PCDH15: variants seen among roughly 807,000 people sequenced by gnomAD.
The protein encoded by PCDH15 is protocadherin-15.
Under a neutral mutation model 178.5 loss-of-function variants are expected in PCDH15, and 129 were observed. That is an observed-to-expected ratio of 0.72 (90% confidence interval 0.63 to 0.84). The LOEUF (loss-of-function observed/expected upper bound fraction) is 0.84, where lower values mean the gene tolerates loss of function less well. Ranked by LOEUF, PCDH15 falls within the 40% of genes least tolerant of loss-of-function variation. The pLI, the probability that PCDH15 is intolerant of heterozygous loss-of-function variation, is 0.00. For synonymous variants in PCDH15, 800 were observed against 732.0 expected (o/e 1.09, Z -1.50); for missense variants, 2,230 against 2,099.9 (o/e 1.06, Z -1.21).
At chr10:54,096,959 T>C (rs1038380240) in intron 15 of PCDH15, among the ~76,000 whole-genome samples, 3 of 152,228 alleles carry the variant, frequency 2.0e-5, no homozygotes, top group Non-Finnish European at 4.4e-5. Context: ...TTAATACCTA[T>C]TCTTAACTTC....
chr10:54,395,571 G>A (rs1012575599), intron 3 of PCDH15, among the ~76,000 whole-genome samples: 1 of 151,490 alleles, frequency 6.6e-6, no homozygotes, highest in Non-Finnish European at 1.5e-5. Context: ...CGCAAAAAAT[G>A]GATTTTGTTA....
intron 2 of PCDH15, among the ~76,000 whole-genome samples, chr10:54,652,785 G>T (rs528005626): frequency 3.9e-5 from 6 of 152,206 alleles, no homozygotes; most frequent in African/African-American, 1.2e-4. Flanking sequence ...GATAATTCCA[G>T]TCTCCAGAAG....
intron 21 of PCDH15, among the ~76,000 whole-genome samples, chr10:53,966,159 T>C (rs80161142): frequency 0.043 from 6,549 of 152,228 alleles, 194 homozygotes; most frequent in Non-Finnish European, 0.06. Context: ...ATCAATAAAC[T>C]TTTTATTCTA....
intron 2 of PCDH15, among the ~76,000 whole-genome samples, chr10:55,588,354 T>A (rs2132128255): frequency 6.6e-6 from 1 of 152,254 alleles, no homozygotes; most frequent in South Asian, 2.1e-4. Flanking sequence ...TTTTTACTGT[T>A]CAAAGCTGAC....
intron 20 of PCDH15, among the ~76,000 whole-genome samples, chr10:54,001,825 A>T (rs796942991): frequency 6.6e-6 from 1 of 152,078 alleles, no homozygotes; most frequent in African/African-American, 2.4e-5. Context: ...GTTGCCTACA[A>T]GAAACACACT....
chr10:54,673,430 AC>A (rs1180193051), intron 1 of PCDH15, among the ~76,000 whole-genome samples: 2 of 151,938 alleles, frequency 1.3e-5, no homozygotes, highest in Admixed American at 6.6e-5. Context: ...GAAACATATA[AC>A]TTTTTTTTGT....
rs529216028 is a variant in PCDH15, at chr10:55,430,453, G to A, written c.-156+197172C>T. Among the ~76,000 whole-genome samples the A allele has an allele frequency of 1.9e-4, 29 of 152,288 alleles. No individual in the cohort carries two copies. The Middle Eastern group carries it at 0.017, about 89-fold the overall frequency. ...GATATATTTTGACATGTAATATTCA[G>A]TAGAATTTTGGCTTGAACCTCATTG... On this transcript the variant is annotated intron_variant, in intron 2 of 5. Coordinates refer to the PCDH15 transcript ENST00000613346.
At chr10:54,426,763 G>A (rs1956312954) in intron 3 of PCDH15, among the ~76,000 whole-genome samples, 1 of 152,088 alleles carries the variant, frequency 6.6e-6, no homozygotes, top group African/African-American at 2.4e-5. Flanking sequence ...AGCCCTGGAA[G>A]ATAGCAACTT....
chr10:55,545,282 T>A (rs899951286), intron 2 of PCDH15, among the ~76,000 whole-genome samples: 8 of 151,860 alleles, frequency 5.3e-5, no homozygotes, highest in Non-Finnish European at 1.2e-4. Flanking sequence ...TTTTTTTTTT[T>A]TTTTAGATGG....
At chr10:53,846,369 T>C (rs1045791378) in intron 28 of PCDH15, among the ~76,000 whole-genome samples, 1 of 151,890 alleles carries the variant, frequency 6.6e-6, no homozygotes, top group Non-Finnish European at 1.5e-5. Context: ...TTAGGAAAAG[T>C]TTTAAAAACA....
chr10:54,179,076 C>G (rs2047722874), intron 13 of PCDH15, among the ~76,000 whole-genome samples: 1 of 152,070 alleles, frequency 6.6e-6, no homozygotes, highest in South Asian at 2.1e-4. Context: ...GGATATATAC[C>G]CAAAGGACTA....
rs372489792 is a variant in PCDH15 at position 54,297,205 on chromosome 10, G to C, written c.876+20066C>G. ...ACAAAACAAAACCGCAGGTGGTTTT[G>C]TCTTTCAGATGGGAAACACTCAGGC... On this transcript the variant is annotated intron_variant, in intron 8 of 37. Transcript: ENST00000644397. Among the ~76,000 whole-genome samples, 6 of 152,206 alleles carry C rather than the reference G, an allele frequency of 3.9e-5. No homozygotes were observed. In the South Asian group the frequency reaches 8.3e-4, roughly 21 times the overall value.
intron 2 of PCDH15, among the ~76,000 whole-genome samples, chr10:54,992,699 G>A (rs1352521766): frequency 6.6e-6 from 1 of 151,354 alleles, no homozygotes; most frequent in Non-Finnish European, 1.5e-5. Context: ...AGCTTGCAGT[G>A]AGCAGAGATC....
intron 2 of PCDH15, among the ~76,000 whole-genome samples, chr10:54,998,283 T>A (rs1335788155): frequency 6.6e-6 from 1 of 152,116 alleles, no homozygotes; most frequent in Non-Finnish European, 1.5e-5. Context: ...TTTTTTTTCC[T>A]GTTTCTCTGT....
intron 1 of PCDH15, among the ~76,000 whole-genome samples, chr10:55,191,350 C>G (rs1363639858): frequency 1.3e-5 from 2 of 151,740 alleles, no homozygotes; most frequent in African/African-American, 4.8e-5. Flanking sequence ...TGTCACTTAT[C>G]TTCAGGAGCT....
chr10:54,840,063 T>A (rs2133760096), intron 3 of PCDH15, among the ~76,000 whole-genome samples: 1 of 152,132 alleles, frequency 6.6e-6, no homozygotes, highest in Admixed American at 6.6e-5. Context: ...AAAAGAATTC[T>A]CAAGTTGGAA....
At chr10:55,359,477 C>T (rs1401242348) in intron 2 of PCDH15, among the ~76,000 whole-genome samples, 1 of 151,500 alleles carries the variant, frequency 6.6e-6, no homozygotes, top group South Asian at 2.1e-4. Context: ...AATTCATGTA[C>T]ACTATTGGTG....
rs536198170 is a variant in PCDH15 at position 54,310,365 on chromosome 10, T to A, written c.876+6906A>T. On this transcript the variant is annotated intron_variant, in intron 8 of 37. Transcript: ENST00000644397. ...GAGGCCGGATGCCGAGTTTAGAGTA[T>A]GTCTTTAAATAGATGTTCTGACAGT... Among the ~76,000 whole-genome samples the A allele has an allele frequency of 4.7e-4, 72 of 152,188 alleles. 1 individual carries two copies. Among genetic ancestry groups the A allele is most frequent in the African/African-American group, 1.6e-3 (65 of 41,550 alleles).
chr10:54,921,763 A>G (rs1189480357), intron 2 of PCDH15, among the ~76,000 whole-genome samples: 1 of 152,174 alleles, frequency 6.6e-6, no homozygotes, highest in Non-Finnish European at 1.5e-5. Flanking sequence ...CTGGCATAAA[A>G]AAACTACCTC....
Sources: allele counts gnomAD v4.1 joint callset (sites outside exome capture counted in the v4.1 genomes callset), GRCh38; gene constraint gnomAD v4.1.1; transcripts MANE v1.5; gene names NCBI Gene and HGNC (gene_info 2026-07-23, HGNC 2026-07-21).